Variants in WIPF1 observed in about 807,000 individuals in gnomAD.
WIPF1 encodes the protein WAS/WASL-interacting protein family member 1.
In WIPF1, 13 loss-of-function variants were observed where a neutral mutation model predicts 35.4. The ratio of observed to expected loss-of-function variants is 0.37; its 90% CI spans 0.24 to 0.58. The LOEUF is 0.58. Ranked by LOEUF, WIPF1 falls within the 20% of genes least tolerant of loss-of-function variation. The pLI is 0.74. For synonymous variants in WIPF1, 267 were observed against 266.3 expected, an observed-to-expected ratio of 1.00 and a Z score of -0.02; for missense variants, 591 against 667.0, an observed-to-expected ratio of 0.89 and a Z score of 1.25.
intron 1 of WIPF1, among the ~76,000 whole-genome samples, chr2:174,615,872 C>T (rs1196486721): frequency 1.3e-5 from 2 of 152,190 alleles, no homozygotes; most frequent in Non-Finnish European, 1.5e-5. Context: ...TTTTCTACTG[C>T]TGAGCTCAGA....
intron 2 of WIPF1, among the ~76,000 whole-genome samples, chr2:174,583,499 G>A (rs1685302232): frequency 6.6e-6 from 1 of 152,156 alleles, no homozygotes; most frequent in Admixed American, 6.6e-5. Flanking sequence ...CACAAGGGCA[G>A]TGTTCTATGA....
At chr2:174,593,955 G>A (rs1685714661) in intron 1 of WIPF1, among the ~76,000 whole-genome samples, 1 of 152,326 alleles carries the variant, frequency 6.6e-6, no homozygotes, top group Non-Finnish European at 1.5e-5. Flanking sequence ...GGAAGCAAAA[G>A]GCAGAGAAGA....
At chr2:174,639,950 G>A (rs565075597) in intron 1 of WIPF1, among the ~76,000 whole-genome samples, 1 of 152,056 alleles carries the variant, frequency 6.6e-6, no homozygotes, top group African/African-American at 2.4e-5. Flanking sequence ...TTAGGCAAGA[G>A]AAATAAATAG....
In WIPF1 at chr2:174,622,133, C is replaced by T. The variant is rs926890449; in HGVS notation, c.-38-36522G>A. Reference sequence around the variant, plus strand: ...AGGTTATTAAATACCCTGACAGCAACCTGACTGAATTTAGAGCCATGAATT... The same window carrying T: ...AGGTTATTAAATACCCTGACAGCAATCTGACTGAATTTAGAGCCATGAATT... On this transcript the variant is annotated intron_variant, in intron 1 of 8. Coordinates refer to the WIPF1 transcript ENST00000272746. This position sits in a 1 kb window ranked among gnomAD's most constrained non-coding sequence, Gnocchi z 5.1. Among the ~76,000 whole-genome samples, 1 of 152,094 alleles carries T rather than the reference C, an allele frequency of 6.6e-6. No homozygotes were observed. The highest frequency in any genetic ancestry group is 1.9e-4 in the East Asian group (1 of 5,188).
chr2:174,650,723 A>G (rs1270846713), intron 1 of WIPF1, among the ~76,000 whole-genome samples: 1 of 152,262 alleles, frequency 6.6e-6, no homozygotes, highest in Non-Finnish European at 1.5e-5. Flanking sequence ...GAAAGCATCC[A>G]ATCTATTATT....
intron 4 of WIPF1, among the ~76,000 whole-genome samples, chr2:174,573,239 T>G (rs910994004): frequency 3.1e-5 from 4 of 127,658 alleles, no homozygotes; most frequent in Non-Finnish European, 6.5e-5. Flanking sequence ...CAAACCACCA[T>G]CCCAGAATCT....
chr2:174,669,242 C>A (rs1687956125), intron 1 of WIPF1, among the ~76,000 whole-genome samples: 2 of 152,148 alleles, frequency 1.3e-5, no homozygotes, highest in African/African-American at 2.4e-5. Flanking sequence ...CAGATGAAGA[C>A]CCCTTATGTT....
intron 1 of WIPF1, among the ~76,000 whole-genome samples, chr2:174,636,698 A>G (rs866390461): frequency 2.8e-4 from 42 of 152,318 alleles, no homozygotes; most frequent in African/African-American, 9.6e-4. Context: ...TTTGACAACC[A>G]TAACAGTTTT....
At chr2:174,662,467 T>A (rs1282088341) in intron 1 of WIPF1, among the ~76,000 whole-genome samples, 2 of 152,216 alleles carry the variant, frequency 1.3e-5, no homozygotes, top group African/African-American at 4.8e-5. Context: ...TGGTTAGTGC[T>A]GAAGAGAATC....
chr2:174,585,723 G>T, intron 1 of WIPF1, 112 bp from the exon 2 acceptor site: 1 of 756,120 alleles, frequency 1.3e-6, no homozygotes, highest in Non-Finnish European at 2.2e-6. Flanking sequence ...ACTCTTAGAA[G>T]AGATGGGCTT....
chr2:174,563,710 G>A (rs971107311), intron 7 of WIPF1, among the ~76,000 whole-genome samples: 2 of 152,216 alleles, frequency 1.3e-5, no homozygotes, highest in Non-Finnish European at 2.9e-5. Flanking sequence ...CATGAGGTCA[G>A]GTGCTCAGAT....
At chr2:174,657,685 G>C (rs1687672264) in intron 1 of WIPF1, among the ~76,000 whole-genome samples, 1 of 152,070 alleles carries the variant, frequency 6.6e-6, no homozygotes, top group Admixed American at 6.6e-5. Context: ...CTGAGGTCAG[G>C]AGTTTGAGAC....
At chr2:174,669,975 G>T (rs1384533967) in intron 1 of WIPF1, among the ~76,000 whole-genome samples, 1 of 152,212 alleles carries the variant, frequency 6.6e-6, no homozygotes, top group Non-Finnish European at 1.5e-5. Context: ...GAATTAAGAT[G>T]TAGGACATGA....
At chr2:174,660,982 G>A (rs1687746445) in intron 1 of WIPF1, among the ~76,000 whole-genome samples, 1 of 152,236 alleles carries the variant, frequency 6.6e-6, no homozygotes, top group African/African-American at 2.4e-5. Context: ...AGTCAAGAGG[G>A]GCGAGGGGCA....
At chr2:174,563,464 A>C (rs1311970335) in intron 7 of WIPF1, among the ~76,000 whole-genome samples, 1 of 152,102 alleles carries the variant, frequency 6.6e-6, no homozygotes, top group East Asian at 1.9e-4. Flanking sequence ...GCTACCTGGG[A>C]GGCTGTGGTG....
chr2:174,564,852 C>CA (rs1559144100), intron 7 of WIPF1, among the ~76,000 whole-genome samples: 4 of 144,672 alleles, frequency 2.8e-5, no homozygotes, highest in African/African-American at 5.0e-5. Context: ...CACACACACA[C>CA]CATTCAAAGA....
chr2:174,614,907 G>A (rs953843889), intron 1 of WIPF1, among the ~76,000 whole-genome samples: 2 of 152,148 alleles, frequency 1.3e-5, no homozygotes, highest in Non-Finnish European at 2.9e-5. Context: ...CCAATATCTT[G>A]AGAATATAGA....
intron 1 of WIPF1, among the ~76,000 whole-genome samples, chr2:174,657,946 A>C (rs893679207): frequency 1.3e-5 from 2 of 150,678 alleles, no homozygotes; most frequent in South Asian, 4.2e-4. Context: ...AGAGAGAGAA[A>C]TATTTCCTAT....
chr2:174,633,892 C>T (rs1360560234), intron 1 of WIPF1, among the ~76,000 whole-genome samples: 1 of 152,092 alleles, frequency 6.6e-6, no homozygotes, highest in African/African-American at 2.4e-5. Flanking sequence ...TTCAAGCTGT[C>T]CCTACTGCTG....
Sources: gnomAD v4.1 joint callset for allele counts (sites outside exome capture counted in the v4.1 genomes callset) on GRCh38, gnomAD v4.1.1 for gene constraint, Gnocchi (gnomAD v3.1) non-coding constraint, MANE v1.5 for transcripts, NCBI Gene and HGNC (gene_info 2026-07-23, HGNC 2026-07-21) for gene names.